Variants in MYO9A observed in about 807,000 individuals in gnomAD.
MYO9A encodes myosin IXA, also known as unconventional myosin-IXa.
Under a neutral mutation model 293.3 loss-of-function variants are expected in MYO9A, and 103 were observed. The ratio of observed to expected loss-of-function variants is 0.35; its 90% CI spans 0.30 to 0.41. The LOEUF is 0.41. MYO9A is among the 10% of genes least tolerant of loss of function. MYO9A has a pLI of 1.00. For synonymous variants in MYO9A, 1,001 were observed against 1,035.7 expected (o/e 0.97, Z 0.64); for missense variants, 2,685 against 3,033.0 (o/e 0.89, Z 2.69).
chr15:71,847,583 C>A (rs2055442781), intron 39 of MYO9A: 2 of 342,654 alleles, frequency 5.8e-6, no homozygotes, highest in Non-Finnish European at 1.3e-5. Flanking sequence ...TTCTGCAGCA[C>A]TGGAAAAAAG....
chr15:72,049,636 C>G (rs2078494300), intron 1 of MYO9A, among the ~76,000 whole-genome samples: 1 of 152,252 alleles, frequency 6.6e-6, no homozygotes, highest in African/African-American at 2.4e-5. Context: ...TGCCTCCTGT[C>G]AGATCGTCAG....
chr15:72,086,124 G>T (rs1317200637), intron 1 of MYO9A, among the ~76,000 whole-genome samples: 2 of 152,194 alleles, frequency 1.3e-5, no homozygotes, highest in African/African-American at 4.8e-5. Context: ...CCATGTGCCA[G>T]TGGCAGCACA....
At chr15:71,874,929 T>C (rs1221918362) in intron 32 of MYO9A, among the ~76,000 whole-genome samples, 1 of 152,208 alleles carries the variant, frequency 6.6e-6, no homozygotes, top group Non-Finnish European at 1.5e-5. Flanking sequence ...ATTTTTCTCT[T>C]CTGTAAACTA....
intron 18 of MYO9A, among the ~76,000 whole-genome samples, chr15:71,928,057 T>TATATA (rs1491302118): frequency 4.4e-4 from 2 of 4,506 alleles, no homozygotes; most frequent in Non-Finnish European, 6.2e-4. Flanking sequence ...TATATATATA[T>TATATA]TTTTTTTTTT....
intron 34 of MYO9A, among the ~76,000 whole-genome samples, chr15:71,857,521 T>C (rs1283887517): frequency 2.0e-5 from 3 of 152,236 alleles, no homozygotes; most frequent in African/African-American, 7.2e-5. Flanking sequence ...AAATAACCAG[T>C]ATCTGTACTT....
intron 25 of MYO9A, among the ~76,000 whole-genome samples, chr15:71,895,900 C>T (rs941807251): frequency 2.0e-5 from 3 of 151,764 alleles, no homozygotes; most frequent in African/African-American, 7.3e-5. Flanking sequence ...GTGTATACAC[C>T]TATAATACAT....
intron 25 of MYO9A, 81 bp downstream of exon 25, chr15:71,897,380 A>C: frequency 7.1e-7 from 1 of 1,405,228 alleles, no homozygotes; most frequent in Non-Finnish European, 9.6e-7. Flanking sequence ...CTTTACACAA[A>C]TAGTTGGAGC....
chr15:72,070,278 C>T (rs1251223794), intron 1 of MYO9A, among the ~76,000 whole-genome samples: 1 of 150,848 alleles, frequency 6.6e-6, no homozygotes, highest in Non-Finnish European at 1.5e-5. Context: ...CCCATCCCTA[C>T]TAAAACTACA....
chr15:71,914,468 A>T (rs2057952192), intron 19 of MYO9A, among the ~76,000 whole-genome samples: 1 of 152,128 alleles, frequency 6.6e-6, no homozygotes, highest in African/African-American at 2.4e-5. Context: ...CATTTTGACT[A>T]CCTGCAATTT....
intron 14 of MYO9A, among the ~76,000 whole-genome samples, chr15:71,954,211 CT>C (rs542606196): frequency 5.2e-4 from 77 of 147,308 alleles, no homozygotes; most frequent in Non-Finnish European, 8.3e-4. Context: ...ACTCTTTTTT[CT>C]TTTTTTAAGA....
At chr15:72,014,805 GAAAGA>G (rs1039337585) in intron 6 of MYO9A, among the ~76,000 whole-genome samples, 2 of 151,648 alleles carry the variant, frequency 1.3e-5, no homozygotes, top group East Asian at 1.9e-4. Context: ...AGGAAACAAA[GAAAGA>G]AAAGAAAAGA....
At chr15:71,861,688 A>AAAC (rs1567206671) in intron 33 of MYO9A, among the ~76,000 whole-genome samples, 9 of 145,804 alleles carry the variant, frequency 6.2e-5, no homozygotes, top group African/African-American at 1.7e-4. Flanking sequence ...ATAAAAAAAA[A>AAAC]AAAAAAAAAA....
intron 1 of MYO9A, among the ~76,000 whole-genome samples, chr15:72,051,120 A>T (rs1299674798): frequency 6.6e-6 from 1 of 152,124 alleles, no homozygotes; most frequent in Non-Finnish European, 1.5e-5. Flanking sequence ...GCTGGAGTAC[A>T]ATGGCACAAT....
At chr15:72,109,941 G>C (rs377073288) in intron 1 of MYO9A, among the ~76,000 whole-genome samples, 12 of 148,012 alleles carry the variant, frequency 8.1e-5, no homozygotes, top group African/African-American at 3.0e-4. Flanking sequence ...TCTAAAAATC[G>C]TTTATAAACA....
chr15:71,905,889 T>G (rs570691326), intron 19 of MYO9A, among the ~76,000 whole-genome samples: 1 of 152,164 alleles, frequency 6.6e-6, no homozygotes, highest in South Asian at 2.1e-4. Flanking sequence ...TATTTACTTT[T>G]CTCTGCTTGT....
chr15:71,869,585 G>C (rs1441327408), intron 32 of MYO9A, among the ~76,000 whole-genome samples: 1 of 152,066 alleles, frequency 6.6e-6, no homozygotes, highest in South Asian at 2.1e-4. Flanking sequence ...AATAAATCTG[G>C]GTTAAGGGAT....
At chr15:71,829,280 CA>C (rs1431480191) in intron 40 of MYO9A, among the ~76,000 whole-genome samples, 1 of 152,108 alleles carries the variant, frequency 6.6e-6, no homozygotes, top group Non-Finnish European at 1.5e-5. Flanking sequence ...CAGAATCAAT[CA>C]TGAGAGACCA....
intron 6 of MYO9A, among the ~76,000 whole-genome samples, chr15:72,013,283 A>C (rs1267801684): frequency 6.6e-6 from 1 of 152,248 alleles, no homozygotes; most frequent in Non-Finnish European, 1.5e-5. Flanking sequence ...ATACCATCTC[A>C]TCTCTCATCA....
intron 26 of MYO9A, chr15:71,891,299 G>C (rs140963136): frequency 6.6e-6 from 1 of 152,216 alleles, no homozygotes; most frequent in African/African-American, 2.4e-5. Context: ...ACTGAAAGGA[G>C]CTGAATGCTC....
Sources: gnomAD v4.1 joint callset for allele counts (sites outside exome capture counted in the v4.1 genomes callset) on GRCh38, gnomAD v4.1.1 for gene constraint, MANE v1.5 for transcripts, NCBI Gene and HGNC (gene_info 2026-07-23, HGNC 2026-07-21) for gene names.